Variants in NECTIN3 observed in about 807,000 individuals in gnomAD.
NECTIN3 encodes the protein nectin cell adhesion molecule 3, also known as nectin-3.
In NECTIN3, 8 loss-of-function variants were observed where a neutral mutation model predicts 49.4. The observed-to-expected ratio is 0.16, with a 90% confidence interval of 0.10 to 0.29. The LOEUF is 0.29. Ranked by LOEUF, NECTIN3 falls within the 10% of genes least tolerant of loss-of-function variation. The pLI is 1.00. For synonymous variants in NECTIN3, 277 were observed against 241.1 expected (o/e 1.15, Z -1.38); for missense variants, 581 against 654.6 (o/e 0.89, Z 1.23).
chr3:111,170,280 T>C (rs1379573110), intron 7 of NECTIN3, among the ~76,000 whole-genome samples: 1 of 152,174 alleles, frequency 6.6e-6, no homozygotes, highest in African/African-American at 2.4e-5. Flanking sequence ...AATTACTATA[T>C]TGTGAATAAT....
chr3:111,128,216 G>C (rs1449727466), intron 5 of NECTIN3, among the ~76,000 whole-genome samples: 1 of 151,156 alleles, frequency 6.6e-6, no homozygotes, highest in Non-Finnish European at 1.5e-5. Context: ...ATGCGCCTGT[G>C]ATCCCAGCCA....
intron 7 of NECTIN3, among the ~76,000 whole-genome samples, chr3:111,160,615 T>C (rs2035191357): frequency 6.6e-6 from 1 of 152,000 alleles, no homozygotes; most frequent in Admixed American, 6.6e-5. Flanking sequence ...ACTGTATAGA[T>C]TTTTTTTCTT....
intron 1 of NECTIN3, chr3:111,072,717 T>A (rs2030875017): frequency 1.2e-6 from 1 of 809,028 alleles, no homozygotes; most frequent in South Asian, 1.8e-5. Context: ...TTGTGCCCAC[T>A]CCCCCGGCTC....
At chr3:111,118,432 G>A (rs778664073) in intron 2 of NECTIN3, among the ~76,000 whole-genome samples, 23 of 151,322 alleles carry the variant, frequency 1.5e-4, no homozygotes, top group Admixed American at 3.3e-4. Flanking sequence ...ATCAGGTAGA[G>A]CCATCTTTGT....
chr3:111,130,431 A>G (rs2034345671), intron 5 of NECTIN3, among the ~76,000 whole-genome samples: 1 of 152,134 alleles, frequency 6.6e-6, no homozygotes, highest in Admixed American at 6.5e-5. Context: ...AAAACCTAGT[A>G]GGCTTTTACA....
At position 111,134,197 on chromosome 3, in the gene NECTIN3, G is replaced by A. The variant is rs956539643; in HGVS notation, c.1632G>A (p.Arg544=). ...ATGTAGATGGTTCCGTAATTTCCAG[G>A]AGGGAGTGGTATGTTTAGCAACCAC... ...VSHVDGSVIS[R]REWYV Residue 544 remains arginine, a synonymous_variant, in exon 6 of 6, where the codon AGG becomes AGA. Transcript: ENST00000485303. 2.5e-6 allele frequency: 4 copies of A among 1,602,956 alleles called. No homozygotes were observed. The African/African-American group carries it at 5.4e-5, about 21-fold the overall frequency.
chr3:111,090,653 A>G (rs1576083768), intron 1 of NECTIN3, among the ~76,000 whole-genome samples: 1 of 148,432 alleles, frequency 6.7e-6, no homozygotes, highest in Middle Eastern at 3.8e-3. Context: ...TTTCTTTTTC[A>G]TATGTGTTTA....
chr3:111,086,780 G>A (rs1383382441), intron 1 of NECTIN3, among the ~76,000 whole-genome samples: 1 of 152,016 alleles, frequency 6.6e-6, no homozygotes, highest in East Asian at 1.9e-4. Context: ...GATTTTTAGT[G>A]GCAGTTCATT....
At chr3:111,186,917 T>G (rs1018638033) in intron 7 of NECTIN3, among the ~76,000 whole-genome samples, 1 of 152,184 alleles carries the variant, frequency 6.6e-6, no homozygotes, top group Non-Finnish European at 1.5e-5. Context: ...AGTTAGAGTA[T>G]TATAGTTTTA....
chr3:111,167,607 G>A (rs1378370653), intron 7 of NECTIN3, among the ~76,000 whole-genome samples: 3 of 152,180 alleles, frequency 2.0e-5, no homozygotes, highest in Non-Finnish European at 4.4e-5. Context: ...GGTTGATGAA[G>A]ATGGTGAAAA....
rs2034612706 is a variant in NECTIN3 at position 111,137,271 on chromosome 3, A to G, written c.*3056A>G. 1.0e-6 allele frequency: 1 copy of G among 953,502 alleles called. No homozygotes were observed. The highest frequency in any genetic ancestry group is 1.2e-6 in the Non-Finnish European group (1 of 801,168). 59.1% of individuals were successfully genotyped at this position (953,502 alleles called of 1,614,324 possible). Reference sequence around the variant, plus strand: ...AAATGGTACCCATTTTGAATTTTTAATTCTAATAGGAGAGTAGATTGTAGA... The same window carrying G: ...AAATGGTACCCATTTTGAATTTTTAGTTCTAATAGGAGAGTAGATTGTAGA... On this transcript the variant is annotated 3_prime_UTR_variant, in exon 6 of 6. Transcript: ENST00000485303.
intron 7 of NECTIN3, among the ~76,000 whole-genome samples, chr3:111,152,766 A>G (rs567655932): frequency 6.6e-6 from 1 of 152,082 alleles, no homozygotes; most frequent in Non-Finnish European, 1.5e-5. Flanking sequence ...AAATGTTGCT[A>G]AACTTTGTGG....
intron 1 of NECTIN3, among the ~76,000 whole-genome samples, chr3:111,075,434 A>C (rs2031114805): frequency 6.6e-6 from 1 of 152,110 alleles, no homozygotes; most frequent in African/African-American, 2.4e-5. Context: ...TTTTATAAAG[A>C]GATAACATTA....
At chr3:111,128,323 CAAA>C (rs879296773) in intron 5 of NECTIN3, among the ~76,000 whole-genome samples, 4 of 84,548 alleles carry the variant, frequency 4.7e-5, no homozygotes, top group Non-Finnish European at 2.5e-5. Flanking sequence ...AACTCTGTCT[CAAA>C]AAAAAAAAAA....
downstream of NECTIN3, among the ~76,000 whole-genome samples, chr3:111,138,891 A>G (rs1341837734): frequency 6.6e-6 from 1 of 151,660 alleles, no homozygotes; most frequent in Non-Finnish European, 1.5e-5. Context: ...TCCCAGGGAA[A>G]ACCTAATTGT....
rs529839304 is a variant in NECTIN3 at position 111,128,260 on chromosome 3, C to T, written c.1069+1925C>T. 5.6e-4 allele frequency among the ~76,000 whole-genome samples: 85 copies of T among 151,706 alleles called. 1 individual carries two copies. On this transcript the variant is annotated intron_variant, in intron 5 of 5. Transcript: ENST00000485303. ...TCTAAGGCAGGAGAATCGCTTGAAT[C>T]CGGGAGGCAGAGATTGCAGTGAGCC...
At chr3:111,161,444 G>A (rs1055586100) in intron 7 of NECTIN3, among the ~76,000 whole-genome samples, 1 of 152,122 alleles carries the variant, frequency 6.6e-6, no homozygotes, top group African/African-American at 2.4e-5. Flanking sequence ...AGGTTCTCAA[G>A]ACCTTCTGGA....
Position 111,137,244 on chromosome 3 carries a change from A to G in NECTIN3, c.*3029A>G. ...AATCAATGTAAAATATAAGAAAGGA[A>G]TAAATGGTACCCATTTTGAATTTTT... On this transcript the variant is annotated 3_prime_UTR_variant, in exon 6 of 6. Coordinates refer to ENST00000485303, the MANE Select transcript of NECTIN3 (RefSeq NM_015480.3). 1 of 934,592 alleles carries G rather than the reference A, an allele frequency of 1.1e-6. No individual in the cohort carries two copies. The highest frequency in any genetic ancestry group is 1.3e-6 in the Non-Finnish European group (1 of 783,824). 57.9% of individuals were successfully genotyped at this position (934,592 alleles called of 1,614,324 possible).
chr3:111,160,374 G>GT (rs202024567), intron 7 of NECTIN3, among the ~76,000 whole-genome samples: 4,859 of 150,826 alleles, frequency 0.032, 88 homozygotes, highest in Middle Eastern at 0.062. Flanking sequence ...TTTATTGCCA[G>GT]TTTTTTTTTA....
Sources: allele counts gnomAD v4.1 joint callset (sites outside exome capture counted in the v4.1 genomes callset), GRCh38; gene constraint gnomAD v4.1.1; transcripts MANE v1.5; gene names NCBI Gene and HGNC (gene_info 2026-07-23, HGNC 2026-07-21).